FCN1: variants seen among roughly 807,000 people sequenced by gnomAD.
FCN1 encodes ficolin 1.
In FCN1, 42 loss-of-function variants were observed where a neutral mutation model predicts 35.6. The ratio of observed to expected loss-of-function variants is 1.18; its 90% CI spans 0.92 to 1.53. The LOEUF (loss-of-function observed/expected upper bound fraction) is 1.53. Among genes scored for constraint, FCN1 ranks in the 40% most tolerant of loss-of-function variants. The pLI, the probability that FCN1 is intolerant of heterozygous loss-of-function variation, is 0.00. For missense variants in FCN1, 439 were observed against 428.4 expected, an observed-to-expected ratio of 1.02 and a Z score of -0.22; for synonymous variants, 179 against 169.8, an observed-to-expected ratio of 1.05 and a Z score of -0.42.
At position 134,909,397 on chromosome 9, in the gene FCN1, T is replaced by C. The variant is rs1588654824; in HGVS notation, c.*401A>G. On this transcript the variant is annotated 3_prime_UTR_variant, in exon 9 of 9. Transcript: ENST00000371806. ...GGAGGTGAGGATCGCCCTGTGTCAATTACTGGAGGTGGAAAATCCTCGCAA... is the reference window on the plus strand; with the variant it reads ...GGAGGTGAGGATCGCCCTGTGTCAACTACTGGAGGTGGAAAATCCTCGCAA... The C allele has an allele frequency of 7.7e-7, 1 of 1,290,346 alleles. No individual in the cohort carries two copies. Among genetic ancestry groups the C allele is most frequent in the East Asian group, 5.5e-5 (1 of 18,076 alleles). 79.9% of individuals were successfully genotyped at this position (1,290,346 alleles called of 1,614,324 possible).
At position 134,916,397 on chromosome 9, in the gene FCN1, C is replaced by A. The variant is rs775057793; in HGVS notation, c.168G>T (p.Leu56=). 6.2e-7 allele frequency: 1 copy of A among 1,614,002 alleles called. No homozygotes were observed. Among genetic ancestry groups the A allele is most frequent in the Non-Finnish European group, 8.5e-7 (1 of 1,180,002 alleles). ...KLTILRGCPG[L]PGAPGPKGEA... ...CTCCCTTTGGCCCTGGGGCCCCGGG[C>A]AGCCCCGGGCAGCCTCGGAGAATGG... is the stretch of plus-strand genomic sequence containing the variant. Residue 56 remains leucine (L), a synonymous_variant, in exon 2 of 9, where the codon CTG becomes CTT. Coordinates refer to ENST00000371806, the MANE Select transcript of FCN1 (RefSeq NM_002003.5).
chr9:134,910,900 C>G (rs561275542), intron 8 of FCN1, among the ~76,000 whole-genome samples: 1 of 152,226 alleles, frequency 6.6e-6, no homozygotes, highest in Non-Finnish European at 1.5e-5. Context: ...GCTGGTGGGT[C>G]GTCTCAGCCC....
In FCN1 at chr9:134,912,585, C is replaced by T; in HGVS notation, c.499G>A (p.Asp167Asn). ...TATGCGGCCCAGTCCCGATAGAAGT[C>T]CACAGAGCCATCCATCCTCCGCTGG... ...VFQRRMDGSV[D>N]FYRDWAAYKQ... The change falls in exon 7 of 9, where the codon GAC becomes AAC. Residue 167 changes from aspartate to asparagine, a missense_variant. Asp to Asn is a conservative substitution (Grantham distance 23). Transcript: ENST00000371806. The T allele has an allele frequency of 6.2e-7, 1 of 1,614,154 alleles. No homozygotes were observed. The highest frequency in any genetic ancestry group is 8.5e-7 in the Non-Finnish European group (1 of 1,179,998).
chr9:134,910,990 A>C, intron 8 of FCN1, 143 bp downstream of exon 8: 1 of 886,108 alleles, frequency 1.1e-6, no homozygotes, highest in Non-Finnish European at 1.8e-6. Context: ...CGCTGTACAG[A>C]GACACAAATG....
Position 134,909,351 on chromosome 9 carries a change from G to T in FCN1, c.*447C>A. On this transcript the variant is annotated 3_prime_UTR_variant, in exon 9 of 9. Coordinates refer to ENST00000371806, the MANE Select transcript of FCN1 (RefSeq NM_002003.5). ...GAAGTGTTGTGAGTGAGGCATGGGG[G>T]GATGGGGGAGGCTTGGGGGTGGAGG... 7.8e-7 allele frequency: 1 copy of T among 1,289,432 alleles called. No individual in the cohort carries two copies. The highest frequency in any genetic ancestry group is 1.5e-5 in the African/African-American group (1 of 65,926). The allele number at this position is 1,289,432 out of a possible 1,614,324, so 79.9% of individuals were successfully genotyped here. A position where few individuals can be genotyped will look rare whatever the true frequency, so the allele number is the denominator to read the frequency against.
chr9:134,916,581 T>A (rs2382714), intron 1 of FCN1, 120 bp from the exon 2 acceptor site: 588,093 of 1,006,904 alleles, frequency 0.58, 176,418 homozygotes, highest in Non-Finnish European at 0.63. Flanking sequence ...GAGGCGGAGA[T>A]GTGATGGGGG....
At position 134,905,212 on chromosome 9, in the gene FCN1, G is replaced by C. The variant is rs1398350959; in HGVS notation, c.*4586C>G. 6.6e-6 allele frequency among the ~76,000 whole-genome samples: 1 copy of C among 152,198 alleles called. No individual in the cohort carries two copies. The highest frequency in any genetic ancestry group is 1.5e-5 in the Non-Finnish European group (1 of 68,032). On this transcript the variant is annotated 3_prime_UTR_variant, in exon 9 of 9. Transcript: ENST00000371806. ...TAATAAAAATATTCAACAAAGACGA[G>C]AGAAGATGAGGAAGGAGAGGAAAAG... is the stretch of plus-strand genomic sequence containing the variant.
Position 134,905,118 on chromosome 9 carries a change from C to T in FCN1, c.*4680G>A, listed in dbSNP as rs537353509. On this transcript the variant is annotated 3_prime_UTR_variant, in exon 9 of 9. Coordinates refer to ENST00000371806, the MANE Select transcript of FCN1 (RefSeq NM_002003.5). ...AAAAATCAAGGCTATATATTGCAAT[C>T]GCAAGCATAAACACCAAAAGATAGG... Among the ~76,000 whole-genome samples, 4 of 151,970 alleles carry T rather than the reference C, an allele frequency of 2.6e-5. No individual in the cohort carries two copies. Among genetic ancestry groups the T allele is most frequent in the South Asian group, 4.1e-4 (2 of 4,826 alleles).
In FCN1 at chr9:134,912,628, C is replaced by T. The variant is rs1564218939; in HGVS notation, c.469-13G>A. 2 of 1,614,110 alleles carry T rather than the reference C, an allele frequency of 1.2e-6. No individual in the cohort carries two copies. The highest frequency in any genetic ancestry group is 1.7e-6 in the Non-Finnish European group (2 of 1,179,980). On this transcript the variant is annotated splice_polypyrimidine_tract_variant and intron_variant, in intron 6 of 8. Coordinates refer to ENST00000371806, the MANE Select transcript of FCN1 (RefSeq NM_002003.5). ...TCCGCTGGAAAACCTGTGAAGAAGCCAGGATACAGAGTTAGGCGGGGCAGG... is the reference window on the plus strand; with the variant it reads ...TCCGCTGGAAAACCTGTGAAGAAGCTAGGATACAGAGTTAGGCGGGGCAGG...
Sources: allele counts gnomAD v4.1 joint callset (sites outside exome capture counted in the v4.1 genomes callset), GRCh38; gene constraint gnomAD v4.1.1; transcripts MANE v1.5; gene names NCBI Gene and HGNC (gene_info 2026-07-23, HGNC 2026-07-21).